DPP3: variants seen among roughly 807,000 people sequenced by gnomAD.
The protein encoded by DPP3 is dipeptidyl peptidase 3.
DPP3 carries 64 observed loss-of-function variants against 89.8 expected under a neutral mutation model. The observed-to-expected ratio is 0.71, with a 90% CI of 0.58 to 0.88. The LOEUF (loss-of-function observed/expected upper bound fraction) is 0.88, where lower values mean the gene tolerates loss of function less well. DPP3 is among the 40% of genes least tolerant of loss of function. The pLI is 0.00. For synonymous variants in DPP3, 377 were observed against 404.3 expected, an observed-to-expected ratio of 0.93 and a Z score of 0.81; for missense variants, 835 against 972.5, an observed-to-expected ratio of 0.86 and a Z score of 1.88.
chr11:66,490,266 G>A (rs1237978811), intron 6 of DPP3, among the ~76,000 whole-genome samples: 1 of 151,750 alleles, frequency 6.6e-6, no homozygotes, highest in Non-Finnish European at 1.5e-5. Flanking sequence ...AGACAACAAG[G>A]AAAATACAGT....
chr11:66,509,337 G>C lies in DPP3; in HGVS notation c.*86G>C. On this transcript the variant is annotated 3_prime_UTR_variant, in exon 18 of 18. Transcript: ENST00000531863. ...CGTGTGTGTATTTAGGGGCTGGGGAGGGGGAGGGGCAGGAGCTTGGACCTT... is the reference window on the plus strand; with the variant it reads ...CGTGTGTGTATTTAGGGGCTGGGGACGGGGAGGGGCAGGAGCTTGGACCTT... 1.3e-6 allele frequency: 2 copies of C among 1,548,790 alleles called. No homozygotes were observed. Among genetic ancestry groups the C allele is most frequent in the Non-Finnish European group, 1.7e-6 (2 of 1,147,112 alleles).
Position 66,482,428 on chromosome 11 carries a change from C to T in DPP3, c.228C>T (p.Arg76=), listed in dbSNP as rs1244463787. ...LFRAQDPDQL[R]QHALAEGLTE... is the part of the protein sequence containing the mutation. ...GCGCCCAGGACCCCGACCAGCTGCG[C>T]CAACATGCCCTGGCTGAAGGCCTTA... Residue 76 remains arginine, a synonymous_variant, in exon 2 of 18, where the codon CGC becomes CGT. Transcript: ENST00000531863. The T allele has an allele frequency of 1.2e-6, 2 of 1,608,926 alleles. No homozygotes were observed. The highest frequency in any genetic ancestry group is 1.7e-5 in the Admixed American group (1 of 60,028).
At position 66,487,289 on chromosome 11, in the gene DPP3, G is replaced by A; in HGVS notation, c.520G>A (p.Gly174Arg). ...ACAGGGAATCACCACCTATTTCTCT[G>A]GGAATTGTACCATGGAAGATGCCAA... ...GKEGITTYFSGNCTMEDAKLA... is the reference protein window; with the variant it reads ...GKEGITTYFSRNCTMEDAKLA... Residue 174 changes from glycine (G) to arginine (R), a missense_variant, in exon 5 of 18, where the codon GGG (glycine) becomes AGG (arginine). Transcript: ENST00000531863. 2 of 1,614,008 alleles carry A rather than the reference G, an allele frequency of 1.2e-6. No homozygotes were observed. The highest frequency in any genetic ancestry group is 1.7e-6 in the Non-Finnish European group (2 of 1,179,940).
At chr11:66,507,695 T>G (rs1478056579) in intron 17 of DPP3, among the ~76,000 whole-genome samples, 2 of 151,164 alleles carry the variant, frequency 1.3e-5, no homozygotes, top group Non-Finnish European at 3.0e-5. Flanking sequence ...AAGTTTTTTT[T>G]TTTTTTTTTG....
intron 16 of DPP3, among the ~76,000 whole-genome samples, chr11:66,499,738 C>A (rs926241276): frequency 1.3e-5 from 2 of 151,946 alleles, no homozygotes; most frequent in Non-Finnish European, 2.9e-5. Flanking sequence ...CCACTGCCCT[C>A]CTGCTTGGGT....
intron 2 of DPP3, 130 bp downstream of exon 2, chr11:66,482,600 C>A: frequency 7.5e-7 from 1 of 1,334,962 alleles, no homozygotes; most frequent in Non-Finnish European, 1.0e-6. Flanking sequence ...AGGCACTTCC[C>A]CTCTCTGGAG....
chr11:66,501,748 C>G (rs941445644), intron 16 of DPP3, among the ~76,000 whole-genome samples: 8 of 148,134 alleles, frequency 5.4e-5, no homozygotes, highest in Non-Finnish European at 1.0e-4. Context: ...TCACTTGAAC[C>G]TGGGAGGTGG....
intron 9 of DPP3, 65 bp from the exon 10 acceptor site, chr11:66,492,651 G>A: frequency 2.0e-6 from 3 of 1,513,498 alleles, no homozygotes; most frequent in Non-Finnish European, 2.7e-6. Context: ...GTGATGGCTG[G>A]AGTAGGGTGA....
Position 66,504,666 on chromosome 11 carries a change from G to A in DPP3, c.1933G>A (p.Ala645Thr). Residue 645 changes from alanine (A) to threonine (T), a missense_variant, in exon 17 of 18, where the codon GCA becomes ACA. Coordinates refer to ENST00000531863, the MANE Select transcript of DPP3 (RefSeq NM_130443.4). ...AGGRALYEGY[A>T]TVTDAPPECF... ...AGGGCGGGCCCTGTACGAGGGGTAT[G>A]CAACAGTCACTGATGCGCCCCCCGA... 1 of 1,613,468 alleles carries A rather than the reference G, an allele frequency of 6.2e-7. No homozygotes were observed. Among genetic ancestry groups the A allele is most frequent in the Non-Finnish European group, 8.5e-7 (1 of 1,179,824 alleles).
intron 1 of DPP3, among the ~76,000 whole-genome samples, chr11:66,481,654 T>TC (rs1331340584): frequency 6.8e-6 from 1 of 147,936 alleles, no homozygotes; most frequent in Non-Finnish European, 1.5e-5. Context: ...GTCAATCAAT[T>TC]TTTTTTTTTT....
rs776051287 is a variant in DPP3 at position 66,509,085 on chromosome 11, A to ACC, written c.2049_2050insCC (p.Val684ProfsTer149). The ACC allele has an allele frequency of 5.6e-6, 9 of 1,613,582 alleles. No homozygotes were observed. The highest frequency in any genetic ancestry group is 1.7e-5 in the Admixed American group (1 of 59,970). Reference sequence around the variant, plus strand: ...CTCTCCATCTCCTCCCCAGGCTCAGACGTGCAGCTTCTGGAATACGAGGCG... The same window carrying ACC: ...CTCTCCATCTCCTCCCCAGGCTCAGACCCGTGCAGCTTCTGGAATACGAGGCG... On this transcript the variant is annotated frameshift_variant, in exon 18 of 18. Transcript: ENST00000531863. LOFTEE classifies it high-confidence loss of function.
rs1157328580 is a variant in DPP3, at chr11:66,495,709, G to A, written c.1657G>A (p.Ala553Thr). Residue 553 changes from alanine to threonine, a missense_variant, in exon 15 of 18, where the codon GCT becomes ACT. Ala to Thr is a moderately conservative substitution (Grantham distance 58). Transcript: ENST00000531863. ...WLNMVRAGLL[A>T]LEFYTPEAFN... is the part of the protein sequence containing the mutation. The stretch of plus-strand genomic sequence containing the variant: ...CAACATGGTTCGGGCCGGGCTGCTC[G>A]CTCTGGAGTTCTACACACCTGAGGC... 4 of 1,612,764 alleles carry A rather than the reference G, an allele frequency of 2.5e-6. No homozygotes were observed. Among genetic ancestry groups the A allele is most frequent in the South Asian group, 1.1e-5 (1 of 90,918 alleles).
chr11:66,481,185 AGT>A (rs1411395390), intron 1 of DPP3, among the ~76,000 whole-genome samples: 1 of 152,132 alleles, frequency 6.6e-6, no homozygotes, highest in Non-Finnish European at 1.5e-5. Context: ...CACAGTGGAA[AGT>A]GTAAAGAATT....
chr11:66,509,512 T>G lies in DPP3; in HGVS notation c.*261T>G, dbSNP rs1855893935. ...AGGGCTTACCATCCTGTCTACCAGA[T>G]GAGGAAATGGCAGTTCTGAGAAGTC... On this transcript the variant is annotated 3_prime_UTR_variant, in exon 18 of 18. Transcript: ENST00000531863. 1 of 1,196,272 alleles carries G rather than the reference T, an allele frequency of 8.4e-7. No individual in the cohort carries two copies. Among genetic ancestry groups the G allele is most frequent in the East Asian group, 2.5e-5 (1 of 39,260 alleles). The allele number at this position is 1,196,272 out of a possible 1,614,324, so 74.1% of individuals were successfully genotyped here. A position where few individuals can be genotyped will look rare whatever the true frequency, so the allele number is the denominator to read the frequency against.
At chr11:66,489,107 C>G (rs776353874) in intron 6 of DPP3, among the ~76,000 whole-genome samples, 1 of 152,198 alleles carries the variant, frequency 6.6e-6, no homozygotes, top group Non-Finnish European at 1.5e-5. Flanking sequence ...TCAGGTGATC[C>G]GCGTGCCTCT....
intron 16 of DPP3, among the ~76,000 whole-genome samples, chr11:66,503,828 A>T (rs1855737448): frequency 6.6e-6 from 1 of 152,168 alleles, no homozygotes; most frequent in Non-Finnish European, 1.5e-5. Flanking sequence ...CAGAGGTTGC[A>T]GTGAGCCAAG....
intron 16 of DPP3, among the ~76,000 whole-genome samples, chr11:66,498,574 A>T (rs192420969): frequency 1.7e-4 from 26 of 152,358 alleles, no homozygotes; most frequent in East Asian, 9.6e-4. Context: ...AAACAAAAAC[A>T]GTTTACCGTT....
chr11:66,493,848 G>A (rs2134734675), intron 12 of DPP3, among the ~76,000 whole-genome samples: 1 of 152,246 alleles, frequency 6.6e-6, no homozygotes, highest in Middle Eastern at 3.4e-3. Context: ...GTGTACATCT[G>A]GGGCTCAGGG....
chr11:66,491,435 C>T, intron 7 of DPP3, 52 bp downstream of exon 7: 1 of 1,603,012 alleles, frequency 6.2e-7, no homozygotes, highest in South Asian at 1.1e-5. Context: ...CTCTGGGCAG[C>T]AGAGCGGGTG....
Sources: allele counts gnomAD v4.1 joint callset (sites outside exome capture counted in the v4.1 genomes callset), GRCh38; gene constraint gnomAD v4.1.1; transcripts MANE v1.5; gene names NCBI Gene and HGNC (gene_info 2026-07-23, HGNC 2026-07-21).